DSCAML1: variants seen among roughly 807,000 people sequenced by gnomAD.
DSCAML1 encodes the protein cell adhesion molecule DSCAML1.
A neutral mutation model predicts 200.5 loss-of-function variants in DSCAML1; 38 were observed. The ratio of observed to expected loss-of-function variants is 0.19; its 90% CI spans 0.15 to 0.25. DSCAML1 has a LOEUF of 0.25. Among genes scored for constraint, DSCAML1 ranks in the 10% least tolerant of loss-of-function variants. DSCAML1 has a pLI of 1.00. For synonymous variants in DSCAML1, 1,215 were observed against 1,165.0 expected (o/e 1.04, Z -0.87); for missense variants, 2,223 against 2,858.8 (o/e 0.78, Z 5.07).
At chr11:117,573,534 GTA>G (rs1374383582) in intron 3 of DSCAML1, among the ~76,000 whole-genome samples, 3 of 152,182 alleles carry the variant, frequency 2.0e-5, no homozygotes, top group African/African-American at 7.2e-5. Context: ...CCCCAGCCAG[GTA>G]ATCCCCTGGG....
At chr11:117,757,139 G>T (rs1361660155) in intron 3 of DSCAML1, among the ~76,000 whole-genome samples, 2 of 152,152 alleles carry the variant, frequency 1.3e-5, no homozygotes, top group Non-Finnish European at 2.9e-5. Flanking sequence ...AACTTCAGAG[G>T]ACTCCCTGAA....
chr11:117,694,783 T>G (rs747004305), intron 3 of DSCAML1, among the ~76,000 whole-genome samples: 5 of 152,266 alleles, frequency 3.3e-5, no homozygotes, highest in Non-Finnish European at 7.3e-5. Context: ...CAGACAGATC[T>G]TGAACTGCCT....
chr11:117,568,419 A>G (rs1465538513), intron 3 of DSCAML1, among the ~76,000 whole-genome samples: 4 of 152,232 alleles, frequency 2.6e-5, no homozygotes, highest in Non-Finnish European at 5.9e-5. Context: ...AGTTAGGAAA[A>G]GAGGAAGTCA....
At chr11:117,743,728 C>G (rs1319999079) in intron 3 of DSCAML1, among the ~76,000 whole-genome samples, 1 of 152,208 alleles carries the variant, frequency 6.6e-6, no homozygotes, top group Non-Finnish European at 1.5e-5. Context: ...TTGCTGGGAG[C>G]CAGACAAACA....
chr11:117,769,733 C>A (rs1234171938), intron 3 of DSCAML1, among the ~76,000 whole-genome samples: 1 of 150,586 alleles, frequency 6.6e-6, no homozygotes, highest in Non-Finnish European at 1.5e-5. Flanking sequence ...CCTCAGCTTG[C>A]CCATCTGTAA....
chr11:117,429,348 T>C (rs968925570), intron 32 of DSCAML1, among the ~76,000 whole-genome samples: 1 of 152,210 alleles, frequency 6.6e-6, no homozygotes, highest in African/African-American at 2.4e-5. Flanking sequence ...ATGTTTGAAG[T>C]CAGCTACATG....
At chr11:117,727,912 T>A (rs970743894) in intron 3 of DSCAML1, among the ~76,000 whole-genome samples, 5 of 152,124 alleles carry the variant, frequency 3.3e-5, no homozygotes, top group Non-Finnish European at 5.9e-5. Context: ...CTTGGGGTAA[T>A]ATGGGAAAGA....
intron 3 of DSCAML1, among the ~76,000 whole-genome samples, chr11:117,748,667 G>T (rs2054554904): frequency 6.6e-6 from 1 of 152,192 alleles, no homozygotes; most frequent in East Asian, 1.9e-4. Flanking sequence ...GGAGGGCTGG[G>T]ACTCCAGGCT....
At chr11:117,632,320 T>C (rs2052191177) in intron 3 of DSCAML1, among the ~76,000 whole-genome samples, 2 of 152,226 alleles carry the variant, frequency 1.3e-5, no homozygotes, top group Non-Finnish European at 2.9e-5. Flanking sequence ...ATTTTCAGGC[T>C]GCTCTTGCTG....
At chr11:117,639,825 C>G (rs984172711) in intron 3 of DSCAML1, among the ~76,000 whole-genome samples, 5 of 152,080 alleles carry the variant, frequency 3.3e-5, no homozygotes, top group African/African-American at 9.7e-5. Flanking sequence ...GCCCTGCCCA[C>G]CCCATGCCTC....
Position 117,797,171 on chromosome 11 carries a change from G to A in DSCAML1, c.-92C>T, listed in dbSNP as rs766187091. 24 of 1,576,204 alleles carry A rather than the reference G, an allele frequency of 1.5e-5. No individual in the cohort carries two copies. Among genetic ancestry groups the A allele is most frequent in the South Asian group, 1.2e-4 (10 of 86,526 alleles). ...CCGCTCAGCGCGCTCCCAGCCGCCC[G>A]CACTCGGCGCCCCGCTCTCTCTGCT... On this transcript the variant is annotated 5_prime_UTR_variant, in exon 1 of 33. Transcript: ENST00000651296.
intron 3 of DSCAML1, among the ~76,000 whole-genome samples, chr11:117,636,892 AT>A (rs2052298056): frequency 6.6e-6 from 1 of 152,154 alleles, no homozygotes. Flanking sequence ...TATTATTGTT[AT>A]TATTAATATT....
At chr11:117,474,897 G>A (rs1030680917) in intron 14 of DSCAML1, among the ~76,000 whole-genome samples, 1 of 152,028 alleles carries the variant, frequency 6.6e-6, no homozygotes, top group African/African-American at 2.4e-5. Context: ...TGGGACTACA[G>A]GCGCATGCCA....
At chr11:117,548,511 T>C (rs2050417555) in intron 3 of DSCAML1, among the ~76,000 whole-genome samples, 1 of 152,158 alleles carries the variant, frequency 6.6e-6, no homozygotes, top group African/African-American at 2.4e-5. Context: ...TTCCAGACAG[T>C]TCACGGCTCC....
chr11:117,806,508 T>C (rs1475341158), intron 1 of DSCAML1, among the ~76,000 whole-genome samples: 2 of 152,246 alleles, frequency 1.3e-5, no homozygotes, highest in African/African-American at 4.8e-5. Flanking sequence ...ATCAGAGTCC[T>C]GGACTCCTAC....
chr11:117,558,908 G>C (rs2050606968), intron 3 of DSCAML1, among the ~76,000 whole-genome samples: 1 of 152,148 alleles, frequency 6.6e-6, no homozygotes, highest in African/African-American at 2.4e-5. Context: ...TTGGTCAGGG[G>C]TTAATTTTAT....
At chr11:117,620,383 T>C (rs2051904194) in intron 3 of DSCAML1, among the ~76,000 whole-genome samples, 1 of 152,154 alleles carries the variant, frequency 6.6e-6, no homozygotes, top group African/African-American at 2.4e-5. Context: ...CTCTCCTCTC[T>C]TTCTCTGTCC....
Position 117,718,668 on chromosome 11 carries a change from A to AC in DSCAML1, c.511+58122dup, listed in dbSNP as rs60879756. Among the ~76,000 whole-genome samples the AC allele has an allele frequency of 6.0e-3, 154 of 25,718 alleles. 8 individuals are homozygous for AC. Among genetic ancestry groups the AC allele is most frequent in the African/African-American group, 0.014 (148 of 10,598 alleles). The allele number at this position is 25,718 out of a possible 152,430, so 16.9% of individuals were successfully genotyped here. On this transcript the variant is annotated intron_variant, in intron 3 of 32. Transcript: ENST00000651296. ...CACACACACAAGATGAATACTCAAA[A>AC]CCCCCCCCCCCCCCCATCATATGAG...
intron 7 of DSCAML1, among the ~76,000 whole-genome samples, chr11:117,517,907 C>A (rs1460484522): frequency 1.3e-5 from 2 of 152,322 alleles, no homozygotes; most frequent in African/African-American, 2.4e-5. Flanking sequence ...CCCCACCCAG[C>A]CTCAGCCTCT....
Sources: gnomAD v4.1 joint callset for allele counts (sites outside exome capture counted in the v4.1 genomes callset) on GRCh38, gnomAD v4.1.1 for gene constraint, MANE v1.5 for transcripts, NCBI Gene and HGNC (gene_info 2026-07-23, HGNC 2026-07-21) for gene names.